EPB41L4B: variants seen among roughly 807,000 people sequenced by gnomAD.
The protein encoded by EPB41L4B is erythrocyte membrane protein band 4.1 like 4B.
EPB41L4B carries 30 observed loss-of-function variants against 112.5 expected under a neutral mutation model. The ratio of observed to expected loss-of-function variants is 0.27; its 90% CI spans 0.20 to 0.36. The LOEUF (loss-of-function observed/expected upper bound fraction) is 0.36. Ranked by LOEUF, EPB41L4B falls within the 10% of genes least tolerant of loss-of-function variation. The pLI is 1.00. For synonymous variants in EPB41L4B, 408 were observed against 439.7 expected (o/e 0.93, Z 0.90); for missense variants, 1,024 against 1,133.3 (o/e 0.90, Z 1.38).
At chr9:109,235,345 A>C (rs1834101020) in intron 15 of EPB41L4B, among the ~76,000 whole-genome samples, 1 of 148,366 alleles carries the variant, frequency 6.7e-6, no homozygotes, top group South Asian at 2.1e-4. Context: ...TAGAATATAC[A>C]TCTCAAACCA....
intron 15 of EPB41L4B, among the ~76,000 whole-genome samples, chr9:109,219,435 A>T (rs979488572): frequency 7.2e-5 from 11 of 152,092 alleles, no homozygotes; most frequent in African/African-American, 2.7e-4. Flanking sequence ...ATCTCAGCTC[A>T]CTGCAAACTC....
At chr9:109,302,470 T>C (rs1463497834) in intron 1 of EPB41L4B, among the ~76,000 whole-genome samples, 1 of 152,202 alleles carries the variant, frequency 6.6e-6, no homozygotes, top group Admixed American at 6.5e-5. Flanking sequence ...ACAGTCACAT[T>C]CTGAGGTACT....
At chr9:109,316,540 C>T (rs1477249580) in intron 1 of EPB41L4B, among the ~76,000 whole-genome samples, 6 of 152,176 alleles carry the variant, frequency 3.9e-5, no homozygotes, top group African/African-American at 1.2e-4. Context: ...CTGCCCTGCT[C>T]TGACCAGACC....
intron 1 of EPB41L4B, among the ~76,000 whole-genome samples, chr9:109,298,079 C>T (rs1265004439): frequency 6.6e-6 from 1 of 151,354 alleles, no homozygotes; most frequent in Admixed American, 6.6e-5. Flanking sequence ...GTCACTGCCT[C>T]TTGCAGGAAG....
chr9:109,218,213 C>T (rs747727824), intron 15 of EPB41L4B, among the ~76,000 whole-genome samples: 2 of 148,676 alleles, frequency 1.3e-5, no homozygotes, highest in Non-Finnish European at 3.0e-5. Flanking sequence ...GCAACCTCCA[C>T]CTCCCAGGCT....
At chr9:109,237,240 G>A (rs750544107) in intron 15 of EPB41L4B, among the ~76,000 whole-genome samples, 17 of 152,196 alleles carry the variant, frequency 1.1e-4, no homozygotes, top group Non-Finnish European at 2.2e-4. Context: ...AGAAATGGTA[G>A]ACCAATAAAC....
At chr9:109,300,639 A>G (rs1247078520) in intron 1 of EPB41L4B, among the ~76,000 whole-genome samples, 1 of 152,080 alleles carries the variant, frequency 6.6e-6, no homozygotes. Context: ...TATAAACATT[A>G]GCCAGGCGTG....
chr9:109,205,831 G>T (rs1296565902), intron 18 of EPB41L4B, among the ~76,000 whole-genome samples: 6 of 152,194 alleles, frequency 3.9e-5, no homozygotes, highest in Non-Finnish European at 8.8e-5. Flanking sequence ...GAGAACTAAG[G>T]CTCAGAGAGG....
intron 15 of EPB41L4B, among the ~76,000 whole-genome samples, chr9:109,242,053 G>A (rs1230599842): frequency 6.6e-6 from 1 of 152,200 alleles, no homozygotes; most frequent in African/African-American, 2.4e-5. Flanking sequence ...TTCTCAAAGG[G>A]TGTCTCATGG....
chr9:109,283,788 GT>G (rs1476846254), intron 1 of EPB41L4B, among the ~76,000 whole-genome samples: 1 of 152,060 alleles, frequency 6.6e-6, no homozygotes, highest in Non-Finnish European at 1.5e-5. Flanking sequence ...CCTATTATAA[GT>G]TGTAAATGCA....
At chr9:109,235,533 CTA>C (rs1185287400) in intron 15 of EPB41L4B, among the ~76,000 whole-genome samples, 1 of 151,602 alleles carries the variant, frequency 6.6e-6, no homozygotes, top group Non-Finnish European at 1.5e-5. Context: ...GTAGCTGGGA[CTA>C]CACAGGCACA....
At chr9:109,198,095 C>A (rs890958564) in intron 20 of EPB41L4B, among the ~76,000 whole-genome samples, 1 of 152,190 alleles carries the variant, frequency 6.6e-6, no homozygotes, top group African/African-American at 2.4e-5. Context: ...CTAGGAAATG[C>A]AGCTGACCAG....
intron 1 of EPB41L4B, among the ~76,000 whole-genome samples, chr9:109,301,770 G>C (rs377505531): frequency 1.3e-5 from 2 of 152,098 alleles, no homozygotes; most frequent in South Asian, 2.1e-4. Flanking sequence ...AAATATTTCC[G>C]ATAAAAATAA....
At chr9:109,275,496 G>A (rs896630924) in intron 2 of EPB41L4B, among the ~76,000 whole-genome samples, 3 of 152,130 alleles carry the variant, frequency 2.0e-5, no homozygotes, top group African/African-American at 7.2e-5. Flanking sequence ...GATTAAATTG[G>A]CTAAGGTTTC....
chr9:109,191,242 G>A (rs1832449981), intron 22 of EPB41L4B, among the ~76,000 whole-genome samples: 1 of 152,296 alleles, frequency 6.6e-6, no homozygotes, highest in South Asian at 2.1e-4. Flanking sequence ...AAAGCTAGAT[G>A]CCCAGGATAC....
chr9:109,295,481 A>G (rs1836701801), intron 1 of EPB41L4B, among the ~76,000 whole-genome samples: 1 of 152,216 alleles, frequency 6.6e-6, no homozygotes, highest in Admixed American at 6.5e-5. Context: ...CCCAGGACTC[A>G]GTATTACAGG....
intron 1 of EPB41L4B, among the ~76,000 whole-genome samples, chr9:109,305,324 C>T (rs372710460): frequency 4.6e-5 from 7 of 152,072 alleles, no homozygotes; most frequent in Non-Finnish European, 7.3e-5. Flanking sequence ...TCAGCCAATA[C>T]GAAGGCAGCA....
intron 22 of EPB41L4B, 39 bp from the exon 23 acceptor site, chr9:109,185,644 G>C: frequency 6.7e-7 from 1 of 1,499,170 alleles, no homozygotes; most frequent in Non-Finnish European, 9.1e-7. Context: ...GGAGGAGGTG[G>C]CAAGAGAAGG....
At chr9:109,240,688 A>G in intron 15 of EPB41L4B, 1 of 985,436 alleles carries the variant, frequency 1.0e-6, no homozygotes, top group Non-Finnish European at 1.2e-6. Flanking sequence ...TACTCTACAG[A>G]ATGCTTTGGC....
Sources: allele counts gnomAD v4.1 joint callset (sites outside exome capture counted in the v4.1 genomes callset), GRCh38; gene constraint gnomAD v4.1.1; transcripts MANE v1.5; gene names NCBI Gene and HGNC (gene_info 2026-07-23, HGNC 2026-07-21).